The following GSTO1 variants were observed in gnomAD, a reference collection of about 807,000 sequenced individuals.
GSTO1 encodes the protein glutathione S-transferase omega 1, also known as glutathione S-transferase omega-1.
A neutral mutation model predicts 23.8 loss-of-function variants in GSTO1; 27 were observed. The ratio of observed to expected loss-of-function variants is 1.13; its 90% confidence interval spans 0.83 to 1.56. The LOEUF (loss-of-function observed/expected upper bound fraction) is 1.56, where lower values mean the gene tolerates loss of function less well. GSTO1 is among the 40% of genes most tolerant of loss of function. The pLI is 0.00. For synonymous variants in GSTO1, 105 were observed against 109.3 expected, an observed-to-expected ratio of 0.96 and a Z score of 0.25; for missense variants, 255 against 285.8, an observed-to-expected ratio of 0.89 and a Z score of 0.78.
chr10:104,261,365 G>A (rs17880435), intron 3 of GSTO1, among the ~76,000 whole-genome samples: 1 of 152,208 alleles, frequency 6.6e-6, no homozygotes, highest in Admixed American at 6.5e-5. Flanking sequence ...GTGGCTTTAT[G>A]TACATATGAC....
chr10:104,263,057 G>T lies in GSTO1; in HGVS notation c.445G>T (p.Glu149Ter), dbSNP rs1394624522. ...YAGLKEEFRK[E>*]FTKLEEVLTN... ...TGGCCTAAAAGAAGAATTTCGTAAA[G>T]AATTTACCAAGCTAGAGGAGGTAAT... Residue 149 changes from glutamate to a stop codon, truncating the protein, a stop_gained, in exon 4 of 6, where the codon GAA becomes TAA. Transcript: ENST00000369713. LOFTEE classifies it high-confidence loss of function. The T allele has an allele frequency of 1.3e-5, 19 of 1,472,604 alleles. No homozygotes were observed. Among genetic ancestry groups the T allele is most frequent in the African/African-American group, 1.4e-5 (1 of 72,830 alleles). The allele number at this position is 1,472,604 out of a possible 1,614,324, so 91.2% of individuals were successfully genotyped here.
At chr10:104,255,420 C>G (rs1412119111) in intron 2 of GSTO1, 149 bp downstream of exon 2, 1 of 610,722 alleles carries the variant, frequency 1.6e-6, no homozygotes, top group Non-Finnish European at 2.9e-6. Context: ...TGGAAAATAG[C>G]AAGTTATAGG....
rs888045519 is a variant in GSTO1 at position 104,267,379 on chromosome 10, C to T, written c.700C>T (p.Pro234Ser). ...CCTAGAGCTCTACTTACAGAACAGC[C>T]CTGAGGCCTGTGACTATGGGCTCTG... ...GFLELYLQNS[P>S]EACDYGL The change falls in exon 6 of 6, where the codon CCT becomes TCT. Residue 234 changes from proline to serine, a missense_variant. Transcript: ENST00000369713. 1 of 1,612,780 alleles carries T rather than the reference C, an allele frequency of 6.2e-7. No individual in the cohort carries two copies. The highest frequency in any genetic ancestry group is 8.5e-7 in the Non-Finnish European group (1 of 1,179,368).
chr10:104,265,330 C>T (rs1467885522), intron 4 of GSTO1, among the ~76,000 whole-genome samples: 1 of 152,192 alleles, frequency 6.6e-6, no homozygotes, highest in Non-Finnish European at 1.5e-5. Context: ...GTGGGTTCAT[C>T]TCTGCTGTGT....
At position 104,266,174 on chromosome 10, in the gene GSTO1, G is replaced by A. The variant is rs1235136197; in HGVS notation, c.556G>A (p.Ala186Thr). ...LIWPWFERLE[A>T]MKLNECVDHT... ...CTGGCCCTGGTTTGAACGGCTGGAA[G>A]CAATGAAGTTAAATGAGTAAGATAT... Residue 186 changes from alanine to threonine, a missense_variant, in exon 5 of 6, where the codon GCA becomes ACA. By Grantham distance (58) the Ala-to-Thr change is moderately conservative. Coordinates refer to ENST00000369713, the MANE Select transcript of GSTO1 (RefSeq NM_004832.3). The A allele has an allele frequency of 6.3e-7, 1 of 1,586,098 alleles. No individual in the cohort carries two copies. Among genetic ancestry groups the A allele is most frequent in the South Asian group, 1.1e-5 (1 of 90,516 alleles).
upstream of GSTO1, chr10:104,254,736 C>T (rs1221516920): frequency 4.7e-6 from 3 of 631,632 alleles, no homozygotes; most frequent in South Asian, 1.8e-5. Context: ...TGCTTTGACA[C>T]AGCCCCTTAA....
rs559775960 is a variant in GSTO1, at chr10:104,259,404, G to C, written c.144-172G>C. On this transcript the variant is annotated intron_variant, in intron 2 of 5. Coordinates refer to ENST00000369713, the MANE Select transcript of GSTO1 (RefSeq NM_004832.3). ...AAATACTGCATGATTGTTCTTAAAA[G>C]GTGTATCAAAAGTAGTCAGATTCAT... Among the ~76,000 whole-genome samples, 19 of 152,288 alleles carry C rather than the reference G, an allele frequency of 1.2e-4. No individual in the cohort carries two copies. In the South Asian group the frequency reaches 2.5e-3, roughly 20 times the overall value.
chr10:104,262,880 C>CT, intron 3 of GSTO1, 99 bp from the exon 4 acceptor site: 1 of 596,718 alleles, frequency 1.7e-6, no homozygotes, highest in Non-Finnish European at 3.0e-6. Context: ...TCTAGAACAC[C>CT]TTGACACCAG....
Position 104,266,247 on chromosome 10 carries a change from T to C in GSTO1, c.572+57T>C, listed in dbSNP as rs567257567. The stretch of plus-strand genomic sequence containing the variant: ...AGGATGACAGGTGGAATAGTATATA[T>C]TGACCTTTCTTTATAACAGAAGTTG... On this transcript the variant is annotated intron_variant, in intron 5 of 5. Coordinates refer to ENST00000369713, the MANE Select transcript of GSTO1 (RefSeq NM_004832.3). The C allele has an allele frequency of 8.1e-5, 72 of 888,384 alleles. 1 individual carries two copies. In the South Asian group the frequency reaches 8.9e-4, roughly 11 times the overall value. The allele number at this position is 888,384 out of a possible 1,614,324, so 55.0% of individuals were successfully genotyped here. A position where few individuals can be genotyped will look rare whatever the true frequency, so the allele number is the denominator to read the frequency against.
rs72559705 is a variant in GSTO1 at position 104,255,230 on chromosome 10, T to C, written c.102T>C (p.Phe34=). 4.6e-5 allele frequency: 75 copies of C among 1,613,790 alleles called. 1 individual carries two copies. In the East Asian group the frequency reaches 5.8e-4, roughly 12 times the overall value. The change falls in exon 2 of 6, where the codon TTT becomes TTC. Residue 34 remains phenylalanine (F), a synonymous_variant. Coordinates refer to ENST00000369713, the MANE Select transcript of GSTO1 (RefSeq NM_004832.3). The part of the protein sequence containing the change: ...IRIYSMRFCP[F]AERTRLVLKA... ...TCTACAGCATGAGGTTCTGCCCGTT[T>C]GCTGAGAGGACGCGTCTAGTCCTGA...
At chr10:104,255,406 C>T in intron 2 of GSTO1, 135 bp downstream of exon 2, 1 of 621,738 alleles carries the variant, frequency 1.6e-6, no homozygotes. Flanking sequence ...TATTCTCGGC[C>T]CTTTGGAAAA....
At chr10:104,266,932 G>A (rs2011195989) in intron 5 of GSTO1, among the ~76,000 whole-genome samples, 1 of 151,924 alleles carries the variant, frequency 6.6e-6, no homozygotes, top group African/African-American at 2.4e-5. Context: ...TCATAATCTG[G>A]GTGTAGAATA....
Position 104,266,129 on chromosome 10 carries a change from T to C in GSTO1, c.511T>C (p.Ser171Pro). Residue 171 changes from serine (S) to proline (P), a missense_variant, in exon 5 of 6, where the codon TCT becomes CCT. Coordinates refer to ENST00000369713, the MANE Select transcript of GSTO1 (RefSeq NM_004832.3). The stretch of plus-strand genomic sequence containing the variant: ...GACCTTCTTTGGTGGCAATTCTATC[T>C]CTATGATTGATTACCTCATCTGGCC... The part of the protein sequence containing the change: ...KTTFFGGNSI[S>P]MIDYLIWPWF... The C allele has an allele frequency of 6.2e-7, 1 of 1,611,360 alleles. No individual in the cohort carries two copies.
chr10:104,255,033 G>C (rs2091595156), intron 1 of GSTO1, 71 bp downstream of exon 1: 1 of 1,507,696 alleles, frequency 6.6e-7, no homozygotes, highest in Middle Eastern at 1.8e-4. Context: ...GCTGCTCCGG[G>C]AGCCCAGCCG....
chr10:104,261,151 C>G, intron 3 of GSTO1, among the ~76,000 whole-genome samples: 1 of 152,070 alleles, frequency 6.6e-6, no homozygotes, highest in Non-Finnish European at 1.5e-5. Flanking sequence ...GGAACTGGAT[C>G]GTGAAAGGAC....
At chr10:104,254,840 G>T (rs1446677499), upstream of GSTO1, 3 of 1,296,222 alleles carry the variant, frequency 2.3e-6, no homozygotes, top group Admixed American at 1.9e-5. Context: ...AGGAGGAAGC[G>T]GGGGAGGGAA....
chr10:104,262,851 T>C (rs1247028141), intron 3 of GSTO1, 128 bp from the exon 4 acceptor site: 7 of 515,904 alleles, frequency 1.4e-5, no homozygotes, highest in Non-Finnish European at 3.5e-6. Context: ...GCGCAGGAAC[T>C]TGATGCACCC....
rs766017710 is a variant in GSTO1 at position 104,255,147 on chromosome 10, C to T, written c.35-16C>T. The T allele has an allele frequency of 6.3e-7, 1 of 1,598,484 alleles. No individual in the cohort carries two copies. The highest frequency in any genetic ancestry group is 8.6e-7 in the Non-Finnish European group (1 of 1,166,340). On this transcript the variant is annotated splice_polypyrimidine_tract_variant and intron_variant, in intron 1 of 5. Transcript: ENST00000369713. Reference sequence around the variant, plus strand: ...CACCTCTCTGGGCCGTAATCGCCTTCGCTTCTCCCCGGCAGGAAGCGCGCC... The same window carrying T: ...CACCTCTCTGGGCCGTAATCGCCTTTGCTTCTCCCCGGCAGGAAGCGCGCC...
At chr10:104,257,502 G>C (rs1418492324) in intron 2 of GSTO1, among the ~76,000 whole-genome samples, 3 of 151,844 alleles carry the variant, frequency 2.0e-5, no homozygotes, top group African/African-American at 7.3e-5. Flanking sequence ...CACCACACTT[G>C]GCTAATTTTT....
Sources: allele counts gnomAD v4.1 joint callset (sites outside exome capture counted in the v4.1 genomes callset), GRCh38; gene constraint gnomAD v4.1.1; transcripts MANE v1.5; gene names NCBI Gene and HGNC (gene_info 2026-07-23, HGNC 2026-07-21).